Variants in PLCH1 observed in about 807,000 individuals in gnomAD.
The protein encoded by PLCH1 is phospholipase C eta 1.
A neutral mutation model predicts 126.7 loss-of-function variants in PLCH1; 60 were observed. That is an observed-to-expected ratio of 0.47 (90% CI 0.38 to 0.59). The LOEUF is 0.59. Among genes scored for constraint, PLCH1 ranks in the 20% least tolerant of loss-of-function variants. The pLI is 0.00. For synonymous variants in PLCH1, 719 were observed against 734.9 expected, an observed-to-expected ratio of 0.98 and a Z score of 0.35; for missense variants, 1,723 against 2,040.0, an observed-to-expected ratio of 0.84 and a Z score of 2.99.
chr3:155,690,804 C>G (rs137894260), intron 2 of PLCH1, among the ~76,000 whole-genome samples: 1 of 152,292 alleles, frequency 6.6e-6, no homozygotes, highest in Non-Finnish European at 1.5e-5. Flanking sequence ...TACCCAAGCC[C>G]GGTGGTCTCC....
At chr3:155,546,039 G>A (rs1342138246) in intron 10 of PLCH1, among the ~76,000 whole-genome samples, 4 of 152,106 alleles carry the variant, frequency 2.6e-5, no homozygotes, top group African/African-American at 7.2e-5. Context: ...TCTGGCCAGG[G>A]CAATTAGGCA....
chr3:155,476,010 A>T (rs1170349542), downstream of PLCH1, among the ~76,000 whole-genome samples: 1 of 152,178 alleles, frequency 6.6e-6, no homozygotes, highest in Non-Finnish European at 1.5e-5. Flanking sequence ...AGACACAAAA[A>T]AAGAAAATGA....
At chr3:155,523,170 G>T (rs1160453253) in intron 11 of PLCH1, among the ~76,000 whole-genome samples, 2 of 147,688 alleles carry the variant, frequency 1.4e-5, no homozygotes, top group Non-Finnish European at 2.9e-5. Flanking sequence ...TAGAGACGGG[G>T]TTTCACCATG....
intron 2 of PLCH1, among the ~76,000 whole-genome samples, chr3:155,673,892 C>T (rs1192458442): frequency 6.6e-6 from 1 of 152,148 alleles, no homozygotes; most frequent in Non-Finnish European, 1.5e-5. Context: ...CATCCCAGAA[C>T]AAATATGATT....
chr3:155,532,518 T>TG (rs1355846609), intron 10 of PLCH1, among the ~76,000 whole-genome samples: 1 of 152,060 alleles, frequency 6.6e-6, no homozygotes, highest in African/African-American at 2.4e-5. Flanking sequence ...GGGAGAAATC[T>TG]GGGGGGAGGT....
chr3:155,514,758 C>A lies in PLCH1; in HGVS notation c.1597G>T (p.Ala533Ser). 6.2e-7 allele frequency: 1 copy of A among 1,604,216 alleles called. No homozygotes were observed. The highest frequency in any genetic ancestry group is 8.5e-7 in the Non-Finnish European group (1 of 1,173,896). Residue 533 changes from alanine (A) to serine (S), a missense_variant, in exon 12 of 23, where the codon GCC becomes TCC. Transcript: ENST00000460012. ...DSFTVRALLK[A>S]THEGLNAHLK... ...TGTGCATTTAAGCCTTCATGCGTGG[C>A]CTTCAGTAGTGCCCGCACTGTGAAA...
At chr3:155,720,970 G>A (rs1025847370) in intron 1 of PLCH1, among the ~76,000 whole-genome samples, 1 of 152,148 alleles carries the variant, frequency 6.6e-6, no homozygotes, top group Non-Finnish European at 1.5e-5. Context: ...ACCATTTGGT[G>A]AATAGGGTGT....
rs1718459842 is a variant in PLCH1 at position 155,505,101 on chromosome 3, T to C, written c.1633-475A>G. Among the ~76,000 whole-genome samples, 4 of 152,246 alleles carry C rather than the reference T, an allele frequency of 2.6e-5. No individual in the cohort carries two copies. In the South Asian group the frequency reaches 8.3e-4, roughly 31 times the overall value. On this transcript the variant is annotated intron_variant, in intron 12 of 22. Transcript: ENST00000460012. ...GGATCACATTGACTAAACAGTGCTA[T>C]GTGGGATTTTAAAACATTATAAATA...
intron 21 of PLCH1, among the ~76,000 whole-genome samples, chr3:155,459,477 C>T (rs1430024963): frequency 6.6e-6 from 1 of 152,156 alleles, no homozygotes; most frequent in East Asian, 1.9e-4. Context: ...GCTGAGATGA[C>T]TCCTCGAAGC....
chr3:155,658,705 C>G (rs1559906229), intron 2 of PLCH1: 1 of 152,122 alleles, frequency 6.6e-6, no homozygotes, highest in Non-Finnish European at 1.5e-5. Flanking sequence ...GTTTATTTCT[C>G]TAGTCAATCT....
intron 10 of PLCH1, among the ~76,000 whole-genome samples, chr3:155,543,827 C>A (rs889367915): frequency 6.6e-6 from 1 of 151,216 alleles, no homozygotes; most frequent in African/African-American, 2.4e-5. Context: ...ACTTTACAGA[C>A]AAGCAAATGC....
At position 155,464,683 on chromosome 3, in the gene PLCH1, C is replaced by T. The variant is rs553000114; in HGVS notation, c.2938+20673G>A. ...TTTCCATCCCTCCTGATAAGTGAAA[C>T]CCTGATGAATCCAAAGCTTTTATTA... On this transcript the variant is annotated intron_variant, in intron 21 of 21. Coordinates refer to the PLCH1 transcript ENST00000494598. Among the ~76,000 whole-genome samples, 5 of 152,232 alleles carry T rather than the reference C, an allele frequency of 3.3e-5. No individual in the cohort carries two copies. In the South Asian group the frequency reaches 1.0e-3, roughly 32 times the overall value.
At chr3:155,568,388 A>G (rs1340190964) in intron 6 of PLCH1, 64 bp from the exon 7 acceptor site, 1 of 701,656 alleles carries the variant, frequency 1.4e-6, no homozygotes, top group African/African-American at 1.8e-5. Flanking sequence ...TCCACAGTAG[A>G]AAGACATTTA....
At chr3:155,694,614 C>G (rs1050237468) in intron 2 of PLCH1, among the ~76,000 whole-genome samples, 2 of 152,190 alleles carry the variant, frequency 1.3e-5, no homozygotes, top group African/African-American at 2.4e-5. Context: ...AGCCACCATC[C>G]TTTACATTTC....
chr3:155,519,214 T>A (rs1720744793), intron 11 of PLCH1, among the ~76,000 whole-genome samples: 1 of 152,188 alleles, frequency 6.6e-6, no homozygotes, highest in Non-Finnish European at 1.5e-5. Flanking sequence ...ACCATGCACC[T>A]GCAGCAGGGA....
rs377546625 is a variant in PLCH1, at chr3:155,469,509, G to A, written c.2938+15847C>T. Among the ~76,000 whole-genome samples the A allele has an allele frequency of 5.3e-5, 8 of 152,306 alleles. No homozygotes were observed. The East Asian group carries it at 9.7e-4, about 18-fold the overall frequency. On this transcript the variant is annotated intron_variant, in intron 21 of 21. Transcript: ENST00000494598. Reference sequence around the variant, plus strand: ...CAGCGAGGCTGGGGGAGGGGCGCCCGCCATTGCCCAGGCTTGCTTAGGTAA... The same window carrying A: ...CAGCGAGGCTGGGGGAGGGGCGCCCACCATTGCCCAGGCTTGCTTAGGTAA...
intron 2 of PLCH1, among the ~76,000 whole-genome samples, chr3:155,674,203 G>A (rs544157598): frequency 2.0e-4 from 31 of 152,270 alleles, no homozygotes; most frequent in Non-Finnish European, 4.0e-4. Context: ...GAATCACTAA[G>A]ATGAGCTTTA....
At chr3:155,557,935 C>T (rs1727053305) in intron 8 of PLCH1, among the ~76,000 whole-genome samples, 1 of 152,094 alleles carries the variant, frequency 6.6e-6, no homozygotes, top group Admixed American at 6.5e-5. Context: ...AATGAAAATC[C>T]CCTGGACAGA....
intron 10 of PLCH1, among the ~76,000 whole-genome samples, chr3:155,529,800 CTT>C (rs918083586): frequency 8.2e-5 from 12 of 146,410 alleles, no homozygotes; most frequent in African/African-American, 2.8e-4. Flanking sequence ...CAGTTTTGCT[CTT>C]GTTGCCCAGG....
Sources: allele counts gnomAD v4.1 joint callset (sites outside exome capture counted in the v4.1 genomes callset), GRCh38; gene constraint gnomAD v4.1.1; transcripts MANE v1.5; gene names NCBI Gene and HGNC (gene_info 2026-07-23, HGNC 2026-07-21).